The following KHDRBS2 variants were observed in gnomAD, a reference collection of about 807,000 sequenced individuals.
KHDRBS2 encodes KH RNA binding domain containing, signal transduction associated 2, also known as KH domain-containing, RNA-binding, signal transduction-associated protein 2.
KHDRBS2 carries 26 observed loss-of-function variants against 44.3 expected under a neutral mutation model. The observed-to-expected ratio is 0.59, with a 90% CI of 0.43 to 0.81. The LOEUF is 0.81. Among genes scored for constraint, KHDRBS2 ranks in the 40% least tolerant of loss-of-function variants. KHDRBS2 has a pLI of 0.00. For synonymous variants in KHDRBS2, 194 were observed against 151.1 expected (o/e 1.28, Z -2.08); for missense variants, 476 against 433.1 (o/e 1.10, Z -0.88).
At chr6:61,741,680 T>C (rs1053967386) in intron 6 of KHDRBS2, among the ~76,000 whole-genome samples, 1 of 151,908 alleles carries the variant, frequency 6.6e-6, no homozygotes, top group Non-Finnish European at 1.5e-5. Context: ...TGTCAGATGT[T>C]GGCAATTTCC....
chr6:61,970,334 T>C (rs1583869540), intron 4 of KHDRBS2, among the ~76,000 whole-genome samples: 2 of 152,170 alleles, frequency 1.3e-5, no homozygotes, highest in Non-Finnish European at 1.5e-5. Context: ...TTTCAGACTC[T>C]TTCAAATGCA....
At chr6:62,102,522 T>C (rs1403485539) in intron 2 of KHDRBS2, among the ~76,000 whole-genome samples, 10 of 152,160 alleles carry the variant, frequency 6.6e-5, no homozygotes, top group Admixed American at 3.9e-4. Context: ...AGCTCTTCTC[T>C]CCTTGCTGCC....
intron 1 of KHDRBS2, among the ~76,000 whole-genome samples, chr6:62,223,479 C>G (rs1831245012): frequency 6.6e-6 from 1 of 152,192 alleles, no homozygotes; most frequent in Non-Finnish European, 1.5e-5. Flanking sequence ...TCCCCATTGT[C>G]TTGGGGATTA....
intron 6 of KHDRBS2, among the ~76,000 whole-genome samples, chr6:61,802,472 C>CT (rs1562211874): frequency 1.3e-5 from 2 of 152,132 alleles, no homozygotes; most frequent in Non-Finnish European, 2.9e-5. Context: ...CAAAACACAG[C>CT]ACTATTGTGA....
the KHDRBS2 span, among the ~76,000 whole-genome samples, chr6:61,624,947 G>A: frequency 2.6e-5 from 4 of 152,134 alleles, no homozygotes; most frequent in Admixed American, 2.6e-4. Flanking sequence ...AGATAGAGCT[G>A]CTCCTGGGAG....
rs184757717 is a variant in KHDRBS2, at chr6:62,017,282, A to G, written c.336+30596T>C. ...GCTTTAGACAGGAATTGATTAAATG[A>G]CATGATGGAATATTTAGACTTGCCA... is the stretch of plus-strand genomic sequence containing the variant. On this transcript the variant is annotated intron_variant, in intron 3 of 8. Coordinates refer to ENST00000281156, the MANE Select transcript of KHDRBS2 (RefSeq NM_152688.4). 2.4e-4 allele frequency among the ~76,000 whole-genome samples: 37 copies of G among 152,280 alleles called. 1 individual carries two copies. Among genetic ancestry groups the G allele is most frequent in the African/African-American group, 6.3e-4 (26 of 41,574 alleles).
chr6:61,604,917 T>G, the KHDRBS2 span, among the ~76,000 whole-genome samples: 42 of 152,138 alleles, frequency 2.8e-4, no homozygotes, highest in Admixed American at 2.2e-3. Context: ...AGTCCAATAA[T>G]GGACTGACCT....
At chr6:61,774,920 G>C (rs925668554) in intron 6 of KHDRBS2, among the ~76,000 whole-genome samples, 10 of 152,100 alleles carry the variant, frequency 6.6e-5, no homozygotes, top group African/African-American at 2.4e-4. Context: ...GAATCCAGCA[G>C]CACATCAAAA....
At chr6:62,208,448 C>T (rs182598054) in intron 1 of KHDRBS2, among the ~76,000 whole-genome samples, 1 of 152,276 alleles carries the variant, frequency 6.6e-6, no homozygotes, top group East Asian at 1.9e-4. Flanking sequence ...TATATGTACA[C>T]ATATTACCAC....
At chr6:61,750,577 G>C (rs1345993572) in intron 6 of KHDRBS2, among the ~76,000 whole-genome samples, 1 of 152,058 alleles carries the variant, frequency 6.6e-6, no homozygotes, top group Non-Finnish European at 1.5e-5. Flanking sequence ...ATGGTGCTTG[G>C]CTCACTACTT....
chr6:61,722,085 T>C (rs1334422925), intron 7 of KHDRBS2, among the ~76,000 whole-genome samples: 1 of 152,186 alleles, frequency 6.6e-6, no homozygotes, highest in Non-Finnish European at 1.5e-5. Context: ...TTACATTTAT[T>C]GATTTGCGTG....
chr6:61,876,573 C>T (rs1269818499), intron 6 of KHDRBS2, among the ~76,000 whole-genome samples: 2 of 152,018 alleles, frequency 1.3e-5, no homozygotes, highest in Admixed American at 1.3e-4. Context: ...CCTTCATCAC[C>T]TAGACTTCTG....
At chr6:61,569,883 C>A in the KHDRBS2 span, among the ~76,000 whole-genome samples, 1 of 152,166 alleles carries the variant, frequency 6.6e-6, no homozygotes, top group African/African-American at 2.4e-5. Context: ...GACGAGAACA[C>A]CATGCCAAGG....
chr6:62,258,143 C>T (rs1471703051), intron 1 of KHDRBS2, among the ~76,000 whole-genome samples: 1 of 151,948 alleles, frequency 6.6e-6, no homozygotes, highest in East Asian at 1.9e-4. Context: ...GGTTACTGTG[C>T]ACTTACTTTA....
At chr6:62,053,672 C>A (rs1008501987) in intron 2 of KHDRBS2, among the ~76,000 whole-genome samples, 3 of 151,902 alleles carry the variant, frequency 2.0e-5, no homozygotes, top group African/African-American at 7.2e-5. Context: ...AGTAGATTTA[C>A]TGATTTAAAA....
chr6:61,793,769 T>A (rs1429914545), intron 6 of KHDRBS2, among the ~76,000 whole-genome samples: 4 of 152,118 alleles, frequency 2.6e-5, no homozygotes, highest in Non-Finnish European at 5.9e-5. Flanking sequence ...AAACACTTAT[T>A]TTTGTAATGG....
chr6:62,196,674 T>C (rs1281779621), intron 1 of KHDRBS2, among the ~76,000 whole-genome samples: 1 of 152,138 alleles, frequency 6.6e-6, no homozygotes, highest in East Asian at 1.9e-4. Flanking sequence ...CAGACTTAGA[T>C]GTTCATTCAC....
chr6:62,036,267 A>C (rs989019985), intron 3 of KHDRBS2, among the ~76,000 whole-genome samples: 1 of 151,970 alleles, frequency 6.6e-6, no homozygotes. Flanking sequence ...TCATATCTAA[A>C]CCACTCAACT....
chr6:61,845,395 C>T (rs1482407751), intron 6 of KHDRBS2, among the ~76,000 whole-genome samples: 17 of 151,524 alleles, frequency 1.1e-4, no homozygotes, highest in Non-Finnish European at 2.1e-4. Context: ...CTGCAACCTC[C>T]GCCTCCCGGG....
Sources: gnomAD v4.1 joint callset for allele counts (sites outside exome capture counted in the v4.1 genomes callset) on GRCh38, gnomAD v4.1.1 for gene constraint, MANE v1.5 for transcripts, NCBI Gene and HGNC (gene_info 2026-07-23, HGNC 2026-07-21) for gene names.